Variants in RDH10 observed in about 807,000 individuals in gnomAD.
RDH10 encodes the protein retinol dehydrogenase 10 (all-trans).
Under a neutral mutation model 30.2 loss-of-function variants are expected in RDH10, and 12 were observed. That is an observed-to-expected ratio of 0.40 (90% confidence interval 0.25 to 0.64). The LOEUF (loss-of-function observed/expected upper bound fraction) is 0.64. Among genes scored for constraint, RDH10 ranks in the 30% least tolerant of loss-of-function variants. RDH10 has a pLI of 0.43. For missense variants in RDH10, 268 were observed against 445.2 expected (o/e 0.60, Z 3.58); for synonymous variants, 189 against 172.2 (o/e 1.10, Z -0.76).
At chr8:73,320,849 G>A (rs1814759409) in intron 3 of RDH10, 83 bp from the exon 4 acceptor site, 6 of 1,347,224 alleles carry the variant, frequency 4.5e-6, no homozygotes, top group Non-Finnish European at 6.3e-6. Flanking sequence ...TCTAAACATG[G>A]TAATAGGACC....
chr8:73,297,749 T>C (rs1008616504), intron 2 of RDH10: 1 of 253,874 alleles, frequency 3.9e-6, no homozygotes, highest in African/African-American at 2.2e-5. Flanking sequence ...CTGTTGAGTT[T>C]ATAAAACATT....
At chr8:73,314,164 T>C (rs1814621947) in intron 2 of RDH10, among the ~76,000 whole-genome samples, 2 of 152,234 alleles carry the variant, frequency 1.3e-5, no homozygotes, top group Admixed American at 6.5e-5. Flanking sequence ...TCATACATGC[T>C]ACAATATTTG....
At position 73,300,981 on chromosome 8, in the gene RDH10, G is replaced by A. The variant is rs990039885; in HGVS notation, c.525+3552G>A. Reference sequence around the variant, plus strand: ...ATTCTCCCAAAGTAGATGGCAAGCTGTCTGAAGGCAGTTTATTATATACAT... The same window carrying A: ...ATTCTCCCAAAGTAGATGGCAAGCTATCTGAAGGCAGTTTATTATATACAT... On this transcript the variant is annotated intron_variant, in intron 2 of 5. Transcript: ENST00000240285. Among the ~76,000 whole-genome samples the A allele has an allele frequency of 4.0e-5, 6 of 150,552 alleles. 1 individual carries two copies. Among genetic ancestry groups the A allele is most frequent in the African/African-American group, 1.5e-4 (6 of 40,882 alleles).
At chr8:73,317,460 C>G (rs1814692824) in intron 2 of RDH10, among the ~76,000 whole-genome samples, 1 of 149,892 alleles carries the variant, frequency 6.7e-6, no homozygotes, top group Admixed American at 6.8e-5. Flanking sequence ...TGAGGAAACT[C>G]AAACAGGGTG....
intron 2 of RDH10, among the ~76,000 whole-genome samples, chr8:73,301,724 C>G (rs553264559): frequency 4.2e-4 from 64 of 152,258 alleles, no homozygotes; most frequent in African/African-American, 1.5e-3. Flanking sequence ...CCACTGCACT[C>G]CAGCCTGGGT....
At chr8:73,322,840 G>T in intron 5 of RDH10, 30 bp downstream of exon 5, 14 of 1,614,020 alleles carry the variant, frequency 8.7e-6, no homozygotes, top group Non-Finnish European at 1.2e-5. Flanking sequence ...TCACTGACTG[G>T]GTCTCTCCAT....
chr8:73,323,169 A>C lies in RDH10; in HGVS notation c.*133A>C. On this transcript the variant is annotated 3_prime_UTR_variant, in exon 6 of 6. Transcript: ENST00000240285. ...TCTTTTTTAAATCAACTTTTTAAAAAAATAAAGTGTAAATTAACCGACTAG... is the reference window on the plus strand; with the variant it reads ...TCTTTTTTAAATCAACTTTTTAAAACAATAAAGTGTAAATTAACCGACTAG... 2 of 758,436 alleles carry C rather than the reference A, an allele frequency of 2.6e-6. No homozygotes were observed. The highest frequency in any genetic ancestry group is 4.2e-6 in the Non-Finnish European group (2 of 475,916). The allele number at this position is 758,436 out of a possible 1,614,324, so 47.0% of individuals were successfully genotyped here.
In RDH10 at chr8:73,321,152, A is replaced by T. The variant is rs1586197424; in HGVS notation, c.770+75A>T. ...TATGTGGAACTGGACTTTCAAACATAACCTTGTATTTTAACTATCATTTGA... is the reference window on the plus strand; with the variant it reads ...TATGTGGAACTGGACTTTCAAACATTACCTTGTATTTTAACTATCATTTGA... On this transcript the variant is annotated intron_variant, in intron 4 of 5. Coordinates refer to ENST00000240285, the MANE Select transcript of RDH10 (RefSeq NM_172037.5). 8 of 1,266,188 alleles carry T rather than the reference A, an allele frequency of 6.3e-6. 1 individual carries two copies. The highest frequency in any genetic ancestry group is 1.9e-4 in the Middle Eastern group (1 of 5,194). 78.4% of individuals were successfully genotyped at this position (1,266,188 alleles called of 1,614,324 possible). A position where few individuals can be genotyped will look rare whatever the true frequency, so the allele number is the denominator to read the frequency against.
chr8:73,319,836 G>A (rs568352888), intron 3 of RDH10, among the ~76,000 whole-genome samples: 276 of 152,304 alleles, frequency 1.8e-3, no homozygotes, highest in African/African-American at 6.3e-3. Flanking sequence ...TAAGTTTGTA[G>A]AATTGTAGAA....
At chr8:73,309,869 A>G (rs897101748) in intron 2 of RDH10, among the ~76,000 whole-genome samples, 1 of 152,140 alleles carries the variant, frequency 6.6e-6, no homozygotes, top group Non-Finnish European at 1.5e-5. Flanking sequence ...GAGGTCAGGG[A>G]TGCTGCTTCA....
chr8:73,295,267 C>T lies in RDH10; in HGVS notation c.-23C>T, dbSNP rs765749187. ...TGGGCGCGGACGCAGGCACTGGGCT[C>T]GTGCGGGGCCCCGGGCGTCGCGATG... On this transcript the variant is annotated 5_prime_UTR_variant, in exon 1 of 6. Transcript: ENST00000240285. 11 of 1,541,756 alleles carry T rather than the reference C, an allele frequency of 7.1e-6. No homozygotes were observed. The highest frequency in any genetic ancestry group is 7.8e-6 in the Non-Finnish European group (9 of 1,147,788).
intron 2 of RDH10, among the ~76,000 whole-genome samples, chr8:73,302,336 A>G (rs1289406932): frequency 6.6e-6 from 1 of 152,234 alleles, no homozygotes; most frequent in African/African-American, 2.4e-5. Flanking sequence ...TAACACTAGC[A>G]TAGAAATTAT....
At chr8:73,313,700 C>T (rs533768808) in intron 2 of RDH10, among the ~76,000 whole-genome samples, 1 of 152,290 alleles carries the variant, frequency 6.6e-6, no homozygotes, top group East Asian at 1.9e-4. Flanking sequence ...CCCCCTAGAT[C>T]AAGAGTCAAC....
chr8:73,310,328 C>T (rs1201942282), intron 2 of RDH10, among the ~76,000 whole-genome samples: 1 of 152,026 alleles, frequency 6.6e-6, no homozygotes, highest in East Asian at 1.9e-4. Context: ...ATATATTTAC[C>T]CTTCATTTAT....
intron 2 of RDH10, among the ~76,000 whole-genome samples, chr8:73,304,965 T>G (rs1028109948): frequency 6.6e-6 from 1 of 152,204 alleles, no homozygotes; most frequent in African/African-American, 2.4e-5. Flanking sequence ...GGAAGCAAAG[T>G]TGGTATTTGT....
intron 2 of RDH10, among the ~76,000 whole-genome samples, chr8:73,303,467 TAG>T (rs1370412781): frequency 6.6e-6 from 1 of 152,226 alleles, no homozygotes; most frequent in Non-Finnish European, 1.5e-5. Context: ...AATTAGTTTA[TAG>T]AGAATATTGA....
chr8:73,302,688 A>T (rs370214489), intron 2 of RDH10, among the ~76,000 whole-genome samples: 1 of 152,196 alleles, frequency 6.6e-6, no homozygotes, highest in Admixed American at 6.6e-5. Context: ...TCTGTCTCAA[A>T]AAAAGGAAAA....
intron 2 of RDH10, among the ~76,000 whole-genome samples, chr8:73,298,685 A>ATGTG (rs1427836630): frequency 6.6e-6 from 1 of 151,942 alleles, no homozygotes; most frequent in Non-Finnish European, 1.5e-5. Flanking sequence ...ATGCTGCCAC[A>ATGTG]CCTGGCTAAT....
At chr8:73,315,596 C>T (rs986452780) in intron 2 of RDH10, 1 of 455,694 alleles carries the variant, frequency 2.2e-6, no homozygotes, top group South Asian at 1.5e-5. Context: ...CTGGATTAGT[C>T]ATTTAATACC....
Sources: gnomAD v4.1 joint callset for allele counts (sites outside exome capture counted in the v4.1 genomes callset) on GRCh38, gnomAD v4.1.1 for gene constraint, MANE v1.5 for transcripts, NCBI Gene and HGNC (gene_info 2026-07-23, HGNC 2026-07-21) for gene names.